The following PDE4B variants were observed in gnomAD, a reference collection of about 807,000 sequenced individuals.
PDE4B encodes the protein phosphodiesterase 4B, also known as 3',5'-cyclic-AMP phosphodiesterase 4B.
A neutral mutation model predicts 82.2 loss-of-function variants in PDE4B; 20 were observed. That is an observed-to-expected ratio of 0.24 (90% CI 0.17 to 0.35). The LOEUF (loss-of-function observed/expected upper bound fraction) is 0.35, where lower values mean the gene tolerates loss of function less well. Among genes scored for constraint, PDE4B ranks in the 10% least tolerant of loss-of-function variants. The pLI, the probability that PDE4B is intolerant of heterozygous loss-of-function variation, is 1.00. For synonymous variants in PDE4B, 320 were observed against 318.9 expected (o/e 1.00, Z -0.04); for missense variants, 655 against 907.2 (o/e 0.72, Z 3.57).
At chr1:66,155,656 A>T (rs1186019709) in intron 3 of PDE4B, among the ~76,000 whole-genome samples, 8 of 151,756 alleles carry the variant, frequency 5.3e-5, no homozygotes, top group Admixed American at 5.3e-4. Context: ...TATATGCTAT[A>T]TATAGTACCT....
chr1:65,964,221 T>C (rs3009863), intron 3 of PDE4B, among the ~76,000 whole-genome samples: 149,262 of 152,246 alleles, frequency 0.98, 73,231 homozygotes, highest in Middle Eastern at 1. Context: ...GAGAATTCTA[T>C]GCTTGTACTA....
intron 3 of PDE4B, among the ~76,000 whole-genome samples, chr1:65,963,954 T>G (rs1386661291): frequency 6.6e-6 from 1 of 152,190 alleles, no homozygotes; most frequent in Non-Finnish European, 1.5e-5. Context: ...TCTTTATACA[T>G]TTGCAGAAAC....
At chr1:66,003,357 A>G (rs1018789137) in intron 3 of PDE4B, among the ~76,000 whole-genome samples, 1 of 152,148 alleles carries the variant, frequency 6.6e-6, no homozygotes, top group Non-Finnish European at 1.5e-5. Context: ...TTTAAAAAAA[A>G]AAAACATTTA....
chr1:65,869,951 CACTGCTTTCATTAGAGA>C (rs1300007211), intron 1 of PDE4B, among the ~76,000 whole-genome samples: 7 of 152,102 alleles, frequency 4.6e-5, no homozygotes, highest in African/African-American at 1.4e-4. Flanking sequence ...CCATAACTTC[CACTGCTTTCATTAGAGA>C]TGGTGAAAAA....
rs566154030 is a variant in PDE4B, at chr1:66,017,999, T to C, written c.281+99164T>C. On this transcript the variant is annotated intron_variant, in intron 3 of 16. Transcript: ENST00000341517. Reference sequence around the variant, plus strand: ...CACCTGGGTAACTGGCTATATTTTATATAGCTCTGCACGGATCATAGAGTT... The same window carrying C: ...CACCTGGGTAACTGGCTATATTTTACATAGCTCTGCACGGATCATAGAGTT... Among the ~76,000 whole-genome samples the C allele has an allele frequency of 2.0e-5, 3 of 152,332 alleles. No homozygotes were observed. The East Asian group carries it at 5.8e-4, about 29-fold the overall frequency.
intron 3 of PDE4B, among the ~76,000 whole-genome samples, chr1:66,242,579 T>C (rs1210458803): frequency 6.6e-6 from 1 of 152,174 alleles, no homozygotes; most frequent in African/African-American, 2.4e-5. Flanking sequence ...GTTACAGAAA[T>C]TGGAGTTTGT....
chr1:65,801,614 C>G (rs1050949752), intron 1 of PDE4B, among the ~76,000 whole-genome samples: 2 of 152,106 alleles, frequency 1.3e-5, no homozygotes, highest in African/African-American at 4.8e-5. Context: ...TCAAGAGTCT[C>G]TGTTTTGCAT....
chr1:66,145,308 T>C (rs551254343), intron 3 of PDE4B, among the ~76,000 whole-genome samples: 3 of 152,072 alleles, frequency 2.0e-5, no homozygotes, highest in African/African-American at 7.2e-5. Context: ...CTGCAGAAAA[T>C]ACATGGATGG....
At chr1:65,900,471 T>A (rs1320750205) in intron 1 of PDE4B, among the ~76,000 whole-genome samples, 1 of 152,108 alleles carries the variant, frequency 6.6e-6, no homozygotes, top group Non-Finnish European at 1.5e-5. Flanking sequence ...AATTTTAGAA[T>A]AGTTTTATTC....
At chr1:66,274,077 A>G (rs1166455709) in intron 7 of PDE4B, among the ~76,000 whole-genome samples, 1 of 152,194 alleles carries the variant, frequency 6.6e-6, no homozygotes, top group Non-Finnish European at 1.5e-5. Context: ...CAAGTAGCAT[A>G]TTGAATGGAA....
At chr1:65,872,362 A>G (rs535505279) in intron 1 of PDE4B, among the ~76,000 whole-genome samples, 35 of 152,268 alleles carry the variant, frequency 2.3e-4, no homozygotes, top group Admixed American at 1.4e-3. Flanking sequence ...TCTGGCCTCA[A>G]ATAATTTACA....
intron 3 of PDE4B, among the ~76,000 whole-genome samples, chr1:66,229,584 A>G (rs1192380367): frequency 6.6e-6 from 1 of 152,150 alleles, no homozygotes; most frequent in Non-Finnish European, 1.5e-5. Flanking sequence ...TCCCTACTCC[A>G]CACCTCAGCA....
At chr1:66,146,540 G>A (rs1646276956) in intron 3 of PDE4B, among the ~76,000 whole-genome samples, 1 of 152,050 alleles carries the variant, frequency 6.6e-6, no homozygotes, top group South Asian at 2.1e-4. Flanking sequence ...TGGATGAGCA[G>A]CTAAACAGTT....
intron 3 of PDE4B, among the ~76,000 whole-genome samples, chr1:66,226,840 A>C (rs1210246842): frequency 6.6e-6 from 1 of 152,258 alleles, no homozygotes; most frequent in Non-Finnish European, 1.5e-5. Context: ...AATAGTTTAT[A>C]GAATCAAAGA....
intron 3 of PDE4B, among the ~76,000 whole-genome samples, chr1:66,047,424 A>G (rs756826791): frequency 2.0e-5 from 3 of 151,930 alleles, no homozygotes; most frequent in African/African-American, 4.8e-5. Flanking sequence ...AGAAGGAAAC[A>G]TAATTTTCCT....
At chr1:65,881,641 C>T (rs1646709995) in intron 1 of PDE4B, among the ~76,000 whole-genome samples, 1 of 152,200 alleles carries the variant, frequency 6.6e-6, no homozygotes, top group Admixed American at 6.5e-5. Flanking sequence ...ATACGACCCA[C>T]AATGGGCATA....
intron 8 of PDE4B, among the ~76,000 whole-genome samples, chr1:66,342,042 T>A (rs972523204): frequency 3.9e-5 from 6 of 152,182 alleles, no homozygotes; most frequent in Non-Finnish European, 8.8e-5. Context: ...CAACTTAAAA[T>A]CAGTCTTAGT....
At chr1:65,863,981 T>C (rs951471553) in intron 1 of PDE4B, among the ~76,000 whole-genome samples, 4 of 152,176 alleles carry the variant, frequency 2.6e-5, no homozygotes, top group Non-Finnish European at 5.9e-5. Context: ...ATTGGGGCTT[T>C]TAGCCTATAT....
chr1:65,981,010 A>G (rs1408079879), intron 3 of PDE4B, among the ~76,000 whole-genome samples: 1 of 152,184 alleles, frequency 6.6e-6, no homozygotes, highest in Non-Finnish European at 1.5e-5. Flanking sequence ...AAATCAGTAC[A>G]GATTTCACAC....
Sources: allele counts gnomAD v4.1 joint callset (sites outside exome capture counted in the v4.1 genomes callset), GRCh38; gene constraint gnomAD v4.1.1; transcripts MANE v1.5; gene names NCBI Gene and HGNC (gene_info 2026-07-23, HGNC 2026-07-21).